The following N4BP1 variants were observed in gnomAD, a reference collection of about 807,000 sequenced individuals.
N4BP1 encodes the protein NEDD4-binding protein 1.
In N4BP1, 21 loss-of-function variants were observed where a neutral mutation model predicts 70.9. That is an observed-to-expected ratio of 0.30 (90% CI 0.21 to 0.43). The LOEUF (loss-of-function observed/expected upper bound fraction) is 0.43, where lower values mean the gene tolerates loss of function less well. N4BP1 is among the 20% of genes least tolerant of loss of function. N4BP1 has a pLI of 1.00. For synonymous variants in N4BP1, 387 were observed against 394.6 expected, an observed-to-expected ratio of 0.98 and a Z score of 0.23; for missense variants, 936 against 1,069.4, an observed-to-expected ratio of 0.88 and a Z score of 1.74.
At chr16:48,608,459 G>A (rs1412627104) in intron 1 of N4BP1, among the ~76,000 whole-genome samples, 2 of 152,110 alleles carry the variant, frequency 1.3e-5, no homozygotes, top group Non-Finnish European at 2.9e-5. Context: ...ACTTGACAAA[G>A]CAGGATGCAA....
chr16:48,553,333 T>C (rs1458108279), intron 3 of N4BP1, among the ~76,000 whole-genome samples: 2 of 152,256 alleles, frequency 1.3e-5, no homozygotes, highest in East Asian at 3.8e-4. Flanking sequence ...TAAATAACTA[T>C]GTTAACTTTC....
rs549880030 is a variant in N4BP1, at chr16:48,600,228, C to T, written c.198+9547G>A. 1.5e-3 allele frequency: 1,167 copies of T among 796,222 alleles called. 13 individuals carry two copies. Among genetic ancestry groups the T allele is most frequent in the South Asian group, 9.1e-3 (670 of 73,834 alleles). 49.3% of individuals were successfully genotyped at this position (796,222 alleles called of 1,614,324 possible). Reference sequence around the variant, plus strand: ...CCCTGGCCACGGCATGATGTTCATCCGCAACGACTGAAAGGTGTTCAGATT... The same window carrying T: ...CCCTGGCCACGGCATGATGTTCATCTGCAACGACTGAAAGGTGTTCAGATT... On this transcript the variant is annotated intron_variant, in intron 1 of 6. Coordinates refer to ENST00000262384, the MANE Select transcript of N4BP1 (RefSeq NM_153029.4).
At chr16:48,577,042 G>A (rs571590812) in intron 1 of N4BP1, among the ~76,000 whole-genome samples, 21 of 152,316 alleles carry the variant, frequency 1.4e-4, no homozygotes, top group Non-Finnish European at 2.2e-4. Context: ...ATGATTAAAG[G>A]TGTAAGCCAC....
At chr16:48,570,747 C>T (rs1026953830) in intron 1 of N4BP1, among the ~76,000 whole-genome samples, 2 of 152,188 alleles carry the variant, frequency 1.3e-5, no homozygotes, top group African/African-American at 2.4e-5. Context: ...CCGGGTTTTA[C>T]TGCTGTATTC....
chr16:48,544,985 G>A (rs1174217790), intron 6 of N4BP1, among the ~76,000 whole-genome samples: 1 of 152,046 alleles, frequency 6.6e-6, no homozygotes, highest in Non-Finnish European at 1.5e-5. Flanking sequence ...TTGTTTTTGA[G>A]ACAGAGTCTT....
chr16:48,562,973 A>T (rs1349529588), intron 1 of N4BP1, among the ~76,000 whole-genome samples: 1 of 128,286 alleles, frequency 7.8e-6, no homozygotes, highest in Non-Finnish European at 1.6e-5. Context: ...CAAGAATAAC[A>T]TTAATAAAAA....
chr16:48,607,787 G>A (rs1467241628), intron 1 of N4BP1, among the ~76,000 whole-genome samples: 2 of 152,218 alleles, frequency 1.3e-5, no homozygotes, highest in Non-Finnish European at 2.9e-5. Context: ...CCAGCTGTCT[G>A]CAATCCAACT....
chr16:48,572,212 A>G (rs1320480820), intron 1 of N4BP1, among the ~76,000 whole-genome samples: 3 of 152,178 alleles, frequency 2.0e-5, no homozygotes, highest in Non-Finnish European at 4.4e-5. Context: ...ATAAATAAAT[A>G]AAATACATAA....
chr16:48,575,159 G>A (rs944755553), intron 1 of N4BP1, among the ~76,000 whole-genome samples: 15 of 151,994 alleles, frequency 9.9e-5, no homozygotes, highest in African/African-American at 2.9e-4. Flanking sequence ...TATTATATTC[G>A]AGTTCAGAAG....
rs780810678 is a variant in N4BP1 at position 48,562,059 on chromosome 16, T to C, written c.584A>G (p.Asn195Ser). 11 of 1,613,542 alleles carry C rather than the reference T, an allele frequency of 6.8e-6. No homozygotes were observed. In the African/African-American group the frequency reaches 1.5e-4, roughly 22 times the overall value. Residue 195 changes from asparagine to serine, a missense_variant, in exon 2 of 7, where the codon AAT (asparagine) becomes AGT (serine). By Grantham distance (46) the Asn-to-Ser change is conservative. Transcript: ENST00000262384. ...ELLTLTQGEE[N>S]LFETGDDEVI... ...CTCATCATCTCCTGTTTCAAAGAGA[T>C]TCTCCTCACCTTGTGTGAGTGTCAA... is the stretch of plus-strand genomic sequence containing the variant.
intron 1 of N4BP1, chr16:48,600,203 C>T (rs1964474873): frequency 2.8e-6 from 2 of 705,610 alleles, no homozygotes; most frequent in Non-Finnish European, 2.6e-6. Flanking sequence ...GGCCCATCTA[C>T]CCTGGCCACG....
At position 48,560,912 on chromosome 16, in the gene N4BP1, T is replaced by C. The variant is rs768378945; in HGVS notation, c.1731A>G (p.Ala577=). The change falls in exon 2 of 7, where the codon GCA becomes GCG. Residue 577 remains alanine, a synonymous_variant. Transcript: ENST00000262384. ...LPQLLPSVTD[A]RSAGPSDHID... is the part of the protein sequence containing the mutation. ...TATGATCAGAAGGTCCTGCCGACCT[T>C]GCATCAGTAACCGAAGGTAACAGCT... The C allele has an allele frequency of 2.5e-6, 4 of 1,613,992 alleles. No individual in the cohort carries two copies. The highest frequency in any genetic ancestry group is 3.4e-6 in the Non-Finnish European group (4 of 1,179,878).
Position 48,600,110 on chromosome 16 carries a change from C to T in N4BP1, c.198+9665G>A. 1.8e-5 allele frequency: 7 copies of T among 396,720 alleles called. No individual in the cohort carries two copies. The South Asian group carries it at 2.5e-4, about 14-fold the overall frequency. The allele number at this position is 396,720 out of a possible 1,614,324, so 24.6% of individuals were successfully genotyped here. On this transcript the variant is annotated intron_variant, in intron 1 of 6. Coordinates refer to ENST00000262384, the MANE Select transcript of N4BP1 (RefSeq NM_153029.4). ...TGAAACATACTGTGAATTAAATATG[C>T]TGATTCTTCTCAAGCTTGGCATTTG...
chr16:48,553,447 C>T (rs1963704791), intron 3 of N4BP1, 92 bp downstream of exon 3: 1 of 1,277,598 alleles, frequency 7.8e-7, no homozygotes, highest in Non-Finnish European at 1.0e-6. Flanking sequence ...CTGCCTATGG[C>T]ACACAGCTCT....
In N4BP1 at chr16:48,590,431, CT is replaced by C. The variant is rs375426445; in HGVS notation, c.198+19343del. ...TTACTCTTTCTCCACTGCAGTTCCC[CT>C]GTCTTGATAAATTGGCTCTGTCTAG... is the stretch of plus-strand genomic sequence containing the variant. On this transcript the variant is annotated intron_variant, in intron 1 of 6. Transcript: ENST00000262384. Among the ~76,000 whole-genome samples, 51 of 152,264 alleles carry C rather than the reference CT, an allele frequency of 3.3e-4. No homozygotes were observed. The East Asian group carries it at 9.7e-3, about 29-fold the overall frequency.
rs984949821 is a variant in N4BP1 at position 48,550,774 on chromosome 16, C to T, written c.2117+612G>A. 2.0e-5 allele frequency among the ~76,000 whole-genome samples: 3 copies of T among 151,620 alleles called. 1 individual carries two copies. Among genetic ancestry groups the T allele is most frequent in the South Asian group, 4.2e-4 (2 of 4,776 alleles). ...CTAAACTAAAAATACAAAAATTAGC[C>T]GGGCATGGTGGTGCTTGCCTGTAAT... On this transcript the variant is annotated intron_variant, in intron 4 of 6. Transcript: ENST00000262384.
chr16:48,556,437 G>C (rs1469623923), intron 2 of N4BP1, among the ~76,000 whole-genome samples: 1 of 152,254 alleles, frequency 6.6e-6, no homozygotes, highest in Non-Finnish European at 1.5e-5. Flanking sequence ...GGTAAACCCA[G>C]ACCAAAGGTC....
chr16:48,603,906 C>A (rs1245310043), intron 1 of N4BP1, among the ~76,000 whole-genome samples: 2 of 152,180 alleles, frequency 1.3e-5, no homozygotes, highest in Non-Finnish European at 2.9e-5. Flanking sequence ...TTGAACAAGG[C>A]TGACCTCTTC....
intron 2 of N4BP1, 173 bp downstream of exon 2, chr16:48,560,581 T>TG (rs1194465934): frequency 2.9e-6 from 2 of 699,702 alleles, no homozygotes; most frequent in East Asian, 5.6e-5. Context: ...ATCCAGAAGA[T>TG]GGACTGACAA....
Sources: gnomAD v4.1 joint callset for allele counts (sites outside exome capture counted in the v4.1 genomes callset) on GRCh38, gnomAD v4.1.1 for gene constraint, MANE v1.5 for transcripts, NCBI Gene and HGNC (gene_info 2026-07-23, HGNC 2026-07-21) for gene names.